The following DGKI variants were observed in gnomAD, a reference collection of about 807,000 sequenced individuals.
DGKI encodes DAG kinase iota.
DGKI carries 55 observed loss-of-function variants against 147.5 expected under a neutral mutation model. That is an observed-to-expected ratio of 0.37 (90% CI 0.30 to 0.47). The LOEUF is 0.47. Among genes scored for constraint, DGKI ranks in the 20% least tolerant of loss-of-function variants. DGKI has a pLI of 1.00. For synonymous variants in DGKI, 469 were observed against 477.1 expected (o/e 0.98, Z 0.22); for missense variants, 1,007 against 1,323.8 (o/e 0.76, Z 3.71).
chr7:137,638,478 G>GTATATATGTGTGTA (rs1821431726), intron 6 of DGKI, among the ~76,000 whole-genome samples: 1 of 87,928 alleles, frequency 1.1e-5, no homozygotes, highest in African/African-American at 7.2e-5. Flanking sequence ...ATATATGTGT[G>GTATATATGTGTGTA]TATATATATA....
rs916143829 is a variant in DGKI, at chr7:137,383,508, T to A, written c.*7712A>T. ...TGAGTTCTGTTCCAGTCTAAAATTA[T>A]AGACATTTAAACCAAGAAAATCTCA... On this transcript the variant is annotated 3_prime_UTR_variant, in exon 33 of 33. Coordinates refer to ENST00000614521, the MANE Select transcript of DGKI (RefSeq NM_001321708.2). 3 of 151,816 alleles carry A rather than the reference T, an allele frequency of 2.0e-5. No individual in the cohort carries two copies. Among genetic ancestry groups the A allele is most frequent in the Non-Finnish European group, 4.4e-5 (3 of 67,890 alleles). 9.4% of individuals were successfully genotyped at this position (151,816 alleles called of 1,614,324 possible).
At chr7:137,546,160 C>T (rs748692239) in intron 20 of DGKI, among the ~76,000 whole-genome samples, 10 of 152,144 alleles carry the variant, frequency 6.6e-5, no homozygotes, top group Admixed American at 2.6e-4. Flanking sequence ...GTGATAGCAA[C>T]GAAGCCAACA....
intron 6 of DGKI, among the ~76,000 whole-genome samples, chr7:137,642,929 AGTGTGTGT>A (rs1207086851): frequency 3.2e-4 from 39 of 121,206 alleles, no homozygotes; most frequent in Middle Eastern, 4.4e-3. Flanking sequence ...ATTATGGAAT[AGTGTGTGT>A]GTGTGTGTGT....
intron 30 of DGKI, among the ~76,000 whole-genome samples, chr7:137,400,003 G>A (rs923312157): frequency 2.0e-5 from 3 of 152,020 alleles, no homozygotes; most frequent in African/African-American, 7.3e-5. Flanking sequence ...TTCAACTTTA[G>A]ATAGCATGAA....
chr7:137,771,287 C>T (rs192351734), intron 1 of DGKI, among the ~76,000 whole-genome samples: 153 of 152,184 alleles, frequency 1.0e-3, no homozygotes, highest in Middle Eastern at 6.8e-3. Context: ...GATGGGGTTT[C>T]GCCATGTTGG....
intron 3 of DGKI, among the ~76,000 whole-genome samples, chr7:137,657,049 T>C (rs1822251368): frequency 6.6e-6 from 1 of 152,208 alleles, no homozygotes; most frequent in African/African-American, 2.4e-5. Flanking sequence ...ATCCCAGGCA[T>C]GAGTCTAGAC....
At position 137,655,434 on chromosome 7, in the gene DGKI, G is replaced by A. The variant is rs186087586; in HGVS notation, c.682-646C>T. Reference sequence around the variant, plus strand: ...AGGATGGTCTCCATCTCCTGACCTCGTGATCCACCCATCTTGGCCTCCCAA... The same window carrying A: ...AGGATGGTCTCCATCTCCTGACCTCATGATCCACCCATCTTGGCCTCCCAA... On this transcript the variant is annotated intron_variant, in intron 4 of 32. Transcript: ENST00000614521. Among the ~76,000 whole-genome samples the A allele has an allele frequency of 5.9e-4, 90 of 152,206 alleles. 2 individuals carry two copies. In the East Asian group the frequency reaches 0.015, roughly 25 times the overall value.
intron 1 of DGKI, among the ~76,000 whole-genome samples, chr7:137,697,912 T>C (rs548972516): frequency 6.6e-6 from 1 of 151,942 alleles, no homozygotes; most frequent in African/African-American, 2.4e-5. Flanking sequence ...TTATGTAGCT[T>C]TATATATCTA....
intron 20 of DGKI, among the ~76,000 whole-genome samples, chr7:137,538,892 C>G (rs1393810542): frequency 6.6e-6 from 1 of 152,190 alleles, no homozygotes; most frequent in Non-Finnish European, 1.5e-5. Context: ...CAATCCCTCT[C>G]TCTCCAATAA....
In DGKI at chr7:137,846,161, T is replaced by TCTCTCTCTCTCACACACA. The variant is rs781580130; in HGVS notation, c.401+300_401+301insTGTGTGTGAGAGAGAGAG. On this transcript the variant is annotated intron_variant, in intron 1 of 32. Transcript: ENST00000614521. The surrounding 1 kb of genome is among the most constrained non-coding windows in gnomAD (Gnocchi z 4.0). ...CTCTCTCTCTCTCTCTCTCTCTCTC[T>TCTCTCTCTCTCACACACA]CACACACACACACACACACACACAC... Among the ~76,000 whole-genome samples, 9 of 108,218 alleles carry TCTCTCTCTCTCACACACA rather than the reference T, an allele frequency of 8.3e-5. No individual in the cohort carries two copies. Among genetic ancestry groups the TCTCTCTCTCTCACACACA allele is most frequent in the South Asian group, 3.3e-4 (1 of 3,064 alleles). The allele number at this position is 108,218 out of a possible 152,430, so 71.0% of individuals were successfully genotyped here.
intron 6 of DGKI, among the ~76,000 whole-genome samples, chr7:137,631,852 A>T (rs1484469837): frequency 1.3e-5 from 2 of 152,212 alleles, no homozygotes; most frequent in African/African-American, 2.4e-5. Context: ...TACAGCTGAA[A>T]AGCCCATCAG....
chr7:137,828,497 G>A (rs1222522143), intron 1 of DGKI, among the ~76,000 whole-genome samples: 1 of 152,166 alleles, frequency 6.6e-6, no homozygotes, highest in East Asian at 1.9e-4. Context: ...GTGCGTGGAA[G>A]AGCCTCAGAG....
chr7:137,582,451 T>C (rs568087854), intron 14 of DGKI, among the ~76,000 whole-genome samples: 2,610 of 150,560 alleles, frequency 0.017, 37 homozygotes, highest in Middle Eastern at 0.028. Context: ...TATATATATA[T>C]ACACACACAC....
intron 6 of DGKI, among the ~76,000 whole-genome samples, chr7:137,633,415 A>G (rs893915769): frequency 1.3e-5 from 2 of 152,186 alleles, no homozygotes; most frequent in Non-Finnish European, 2.9e-5. Context: ...GCTTCAAACC[A>G]TCCTTCTAGC....
intron 1 of DGKI, among the ~76,000 whole-genome samples, chr7:137,751,654 C>T (rs1353826595): frequency 1.3e-5 from 2 of 152,262 alleles, no homozygotes; most frequent in East Asian, 1.9e-4. Context: ...CTAAATTAAA[C>T]CTGAGGGTGG....
At chr7:137,572,731 G>A (rs373569343) in intron 18 of DGKI, 34 bp downstream of exon 18, 26 of 1,473,132 alleles carry the variant, frequency 1.8e-5, no homozygotes, top group African/African-American at 7.1e-5. Flanking sequence ...CAGAGTTCAC[G>A]TCAAACCAAG....
intron 21 of DGKI, among the ~76,000 whole-genome samples, chr7:137,510,472 T>A (rs1475693465): frequency 6.6e-6 from 1 of 152,222 alleles, no homozygotes; most frequent in Non-Finnish European, 1.5e-5. Context: ...GCTCAAGTAC[T>A]TGGGAGGGAG....
At chr7:137,827,368 A>G (rs1798087874) in intron 1 of DGKI, among the ~76,000 whole-genome samples, 1 of 152,152 alleles carries the variant, frequency 6.6e-6, no homozygotes, top group Admixed American at 6.5e-5. Context: ...TCCCTGCCTT[A>G]TCTTCCACTC....
intron 21 of DGKI, among the ~76,000 whole-genome samples, chr7:137,508,630 T>C (rs1816459453): frequency 6.6e-6 from 1 of 152,100 alleles, no homozygotes; most frequent in Non-Finnish European, 1.5e-5. Flanking sequence ...TTGAGATGTA[T>C]GTAAATCTGC....
Sources: allele counts gnomAD v4.1 joint callset (sites outside exome capture counted in the v4.1 genomes callset), GRCh38; gene constraint gnomAD v4.1.1; non-coding constraint Gnocchi (gnomAD v3.1); transcripts MANE v1.5; gene names NCBI Gene and HGNC (gene_info 2026-07-23, HGNC 2026-07-21).